The following C13orf42 variants were observed in gnomAD, a reference collection of about 807,000 sequenced individuals.
C13orf42 encodes uncharacterized protein C13orf42.
At chr13:51,138,614 T>C (rs370879159) in intron 1 of C13orf42, among the ~76,000 whole-genome samples, 23 of 152,178 alleles carry the variant, frequency 1.5e-4, no homozygotes, top group East Asian at 9.6e-4. Context: ...TGTGGAGAAA[T>C]TGGAACCCCG....
intron 1 of C13orf42, among the ~76,000 whole-genome samples, chr13:51,095,785 T>C (rs964303484): frequency 6.6e-6 from 1 of 152,188 alleles, no homozygotes; most frequent in Non-Finnish European, 1.5e-5. Context: ...TTAGGGCTTT[T>C]AACATATTAA....
intron 1 of C13orf42, among the ~76,000 whole-genome samples, chr13:51,135,943 A>T (rs1953654364): frequency 6.6e-6 from 1 of 152,244 alleles, no homozygotes; most frequent in Non-Finnish European, 1.5e-5. Context: ...CTGGTCACAC[A>T]GGCGACAGAA....
chr13:51,140,575 G>A (rs986551938), intron 1 of C13orf42, among the ~76,000 whole-genome samples: 2 of 152,146 alleles, frequency 1.3e-5, no homozygotes, highest in Non-Finnish European at 2.9e-5. Flanking sequence ...ATTTGCTGAG[G>A]TCTGAGGGCA....
intron 1 of C13orf42, among the ~76,000 whole-genome samples, chr13:51,094,378 G>A (rs543828562): frequency 7.2e-5 from 11 of 152,080 alleles, no homozygotes; most frequent in African/African-American, 2.7e-4. Flanking sequence ...ACTGATATTT[G>A]CAACTCAAAC....
intron 1 of C13orf42, among the ~76,000 whole-genome samples, chr13:51,156,833 C>G (rs1953828132): frequency 6.6e-6 from 1 of 152,192 alleles, no homozygotes; most frequent in Non-Finnish European, 1.5e-5. Flanking sequence ...AATTGTCTGC[C>G]TAGGCCAGCT....
intron 1 of C13orf42, among the ~76,000 whole-genome samples, chr13:51,102,055 T>C (rs1268899126): frequency 1.3e-5 from 2 of 152,260 alleles, no homozygotes; most frequent in Non-Finnish European, 2.9e-5. Context: ...ATTATTATAC[T>C]GTCTGCCATC....
At chr13:51,106,622 G>C (rs1953358879) in intron 1 of C13orf42, among the ~76,000 whole-genome samples, 1 of 152,150 alleles carries the variant, frequency 6.6e-6, no homozygotes, top group Admixed American at 6.5e-5. Flanking sequence ...AGGTTTGGAG[G>C]GTGATTAGAA....
At chr13:51,140,851 T>C (rs1420704952) in intron 1 of C13orf42, among the ~76,000 whole-genome samples, 1 of 152,078 alleles carries the variant, frequency 6.6e-6, no homozygotes, top group Admixed American at 6.5e-5. Context: ...GGTAAAAAAC[T>C]GGTTTGGGAT....
upstream of C13orf42, among the ~76,000 whole-genome samples, chr13:51,113,865 C>T (rs1213583913): frequency 6.6e-6 from 1 of 152,204 alleles, no homozygotes; most frequent in African/African-American, 2.4e-5. Context: ...CATCCTCTCC[C>T]CCAGCCTAGC....
At chr13:51,151,635 G>C (rs914094799) in intron 1 of C13orf42, among the ~76,000 whole-genome samples, 6 of 152,196 alleles carry the variant, frequency 3.9e-5, no homozygotes, top group Admixed American at 3.9e-4. Context: ...CGGCATTCCA[G>C]AGACACATAG....
chr13:51,153,921 C>G (rs147102747), intron 1 of C13orf42, among the ~76,000 whole-genome samples: 1 of 152,128 alleles, frequency 6.6e-6, no homozygotes, highest in Non-Finnish European at 1.5e-5. Flanking sequence ...GATTGAGCCA[C>G]CATGCCTGAC....
chr13:51,151,034 C>T (rs2138038373), intron 1 of C13orf42, among the ~76,000 whole-genome samples: 1 of 152,326 alleles, frequency 6.6e-6, no homozygotes, highest in South Asian at 2.1e-4. Flanking sequence ...CAATCACAGG[C>T]ACAAATTCAC....
At chr13:51,124,705 T>C (rs759553983) in intron 1 of C13orf42, among the ~76,000 whole-genome samples, 2 of 152,088 alleles carry the variant, frequency 1.3e-5, no homozygotes, top group Non-Finnish European at 2.9e-5. Flanking sequence ...CCAGGTTTGG[T>C]AGGAGGTTTT....
rs529205663 is a variant in C13orf42 at position 51,088,030 on chromosome 13, C to T, written c.460G>A (p.Glu154Lys). 3.0e-5 allele frequency: 12 copies of T among 398,798 alleles called. No homozygotes were observed. Among genetic ancestry groups the T allele is most frequent in the Non-Finnish European group, 4.0e-5 (9 of 226,146 alleles). 24.7% of individuals were successfully genotyped at this position (398,798 alleles called of 1,614,324 possible). A position where few individuals can be genotyped will look rare whatever the true frequency, so the allele number is the denominator to read the frequency against. ...ATGGAGTCAAAGAAGGCAATGGCCT[C>T]GGCCACATCAGCACTGAACTGCGAG... Reference protein sequence around the residue: ...KYSQFSADVAEAIAFFDSIIA... With the variant: ...KYSQFSADVAKAIAFFDSIIA... The change falls in exon 2 of 4, where the codon GAG becomes AAG. Residue 154 changes from glutamate to lysine, a missense_variant. Physicochemically the swap from Glu to Lys is moderately conservative, Grantham distance 56 (BLOSUM62 1). Transcript: ENST00000563710.
At chr13:51,164,772 C>T (rs895517825) in intron 1 of C13orf42, among the ~76,000 whole-genome samples, 3 of 152,096 alleles carry the variant, frequency 2.0e-5, no homozygotes, top group Non-Finnish European at 4.4e-5. Context: ...TTTCATGCTA[C>T]GGGACATGAG....
chr13:51,151,551 G>A (rs548696265), intron 1 of C13orf42, among the ~76,000 whole-genome samples: 5 of 152,206 alleles, frequency 3.3e-5, no homozygotes, highest in Non-Finnish European at 7.3e-5. Context: ...GTGATGATTT[G>A]TTCCAGCAGT....
At chr13:51,161,692 G>A (rs1953865616) in intron 1 of C13orf42, 2 of 191,778 alleles carry the variant, frequency 1.0e-5, no homozygotes, top group Non-Finnish European at 2.1e-5. Context: ...TGCCTTGCAA[G>A]CATCTTCCAT....
chr13:51,163,504 A>G (rs1953882470), intron 1 of C13orf42, among the ~76,000 whole-genome samples: 1 of 152,164 alleles, frequency 6.6e-6, no homozygotes, highest in Non-Finnish European at 1.5e-5. Flanking sequence ...AGCAGTGAGC[A>G]GACAGAAAAA....
intron 1 of C13orf42, among the ~76,000 whole-genome samples, chr13:51,127,108 A>G (rs959085628): frequency 6.6e-6 from 1 of 152,194 alleles, no homozygotes; most frequent in Admixed American, 6.5e-5. Context: ...ACAAGGCTAC[A>G]GTGAGCTGTG....
Sources: gnomAD v4.1 joint callset for allele counts (sites outside exome capture counted in the v4.1 genomes callset) on GRCh38, gnomAD v4.1.1 for gene constraint, MANE v1.5 for transcripts, NCBI Gene and HGNC (gene_info 2026-07-23, HGNC 2026-07-21) for gene names.